TMEM132B: variants seen among roughly 807,000 people sequenced by gnomAD.
TMEM132B encodes the protein transmembrane protein 132B.
A neutral mutation model predicts 90.8 loss-of-function variants in TMEM132B; 18 were observed. That is an observed-to-expected ratio of 0.20 (90% CI 0.14 to 0.29). TMEM132B has a LOEUF of 0.29. TMEM132B is among the 10% of genes least tolerant of loss of function. The pLI, the probability that TMEM132B is intolerant of heterozygous loss-of-function variation, is 1.00. For missense variants in TMEM132B, 1,096 were observed against 1,326.8 expected (o/e 0.83, Z 2.70); for synonymous variants, 504 against 523.3 (o/e 0.96, Z 0.50).
chr12:125,543,419 A>AT (rs1884006768), intron 4 of TMEM132B, among the ~76,000 whole-genome samples: 1 of 152,266 alleles, frequency 6.6e-6, no homozygotes. Context: ...TTTAGGTCTT[A>AT]TAAGTAGTCT....
intron 1 of TMEM132B, among the ~76,000 whole-genome samples, chr12:125,237,752 T>C (rs975311399): frequency 2.6e-5 from 4 of 152,202 alleles, no homozygotes; most frequent in African/African-American, 9.6e-5. Flanking sequence ...CCCGGCCACG[T>C]TGGCGTACTT....
At chr12:125,540,122 T>C (rs1044008316) in intron 4 of TMEM132B, among the ~76,000 whole-genome samples, 5 of 152,256 alleles carry the variant, frequency 3.3e-5, no homozygotes, top group Admixed American at 3.3e-4. Context: ...GGGGGCATTT[T>C]CCAGATATCT....
chr12:125,369,066 C>G (rs1878219088), intron 2 of TMEM132B, among the ~76,000 whole-genome samples: 2 of 151,846 alleles, frequency 1.3e-5, no homozygotes, highest in Non-Finnish European at 2.9e-5. Context: ...GTTCCCCACC[C>G]TGTGTCCAGG....
chr12:125,426,314 T>C (rs943567293), intron 3 of TMEM132B, among the ~76,000 whole-genome samples: 7 of 152,232 alleles, frequency 4.6e-5, no homozygotes, highest in African/African-American at 1.7e-4. Context: ...TTTTATTATA[T>C]GTTTTGCAAC....
chr12:125,386,532 A>AT (rs1878840781), intron 2 of TMEM132B, among the ~76,000 whole-genome samples: 1 of 152,134 alleles, frequency 6.6e-6, no homozygotes, highest in African/African-American at 2.4e-5. Flanking sequence ...TTGCATTTGC[A>AT]TTTTTTGCTT....
chr12:125,608,441 C>T lies in TMEM132B; in HGVS notation c.1437+24447C>T, dbSNP rs568960632. Among the ~76,000 whole-genome samples the T allele has an allele frequency of 1.6e-4, 25 of 152,202 alleles. 1 individual carries two copies. The highest frequency in any genetic ancestry group is 1.2e-3 in the South Asian group (6 of 4,824). The stretch of plus-strand genomic sequence containing the variant: ...GAATTATCTTTTCATTTCTCAGTTT[C>T]GAGGTCTCTTTATATATTCTAGATA... On this transcript the variant is annotated intron_variant, in intron 5 of 8. Transcript: ENST00000682704.
chr12:125,252,240 A>G (rs1874333618), intron 1 of TMEM132B, among the ~76,000 whole-genome samples: 1 of 152,178 alleles, frequency 6.6e-6, no homozygotes, highest in Non-Finnish European at 1.5e-5. Context: ...GGCAATGGGA[A>G]GCCACCAGAA....
At chr12:125,545,631 A>C (rs11611558) in intron 4 of TMEM132B, among the ~76,000 whole-genome samples, 19,312 of 152,226 alleles carry the variant, frequency 0.13, 1,301 homozygotes, top group South Asian at 0.18. Context: ...ACTGTGATTA[A>C]GACGGTTCAA....
At chr12:125,330,312 C>A (rs1353367685) in intron 1 of TMEM132B, among the ~76,000 whole-genome samples, 1 of 145,884 alleles carries the variant, frequency 6.9e-6, no homozygotes, top group Non-Finnish European at 1.5e-5. Flanking sequence ...ATAGAGTAGT[C>A]GTGCTTTGTT....
intron 4 of TMEM132B, among the ~76,000 whole-genome samples, chr12:125,553,630 G>A (rs1165923743): frequency 1.3e-5 from 2 of 152,220 alleles, no homozygotes; most frequent in Non-Finnish European, 2.9e-5. Flanking sequence ...GCTATGATGA[G>A]TTTACATAGT....
At chr12:125,486,840 C>T (rs1466183794) in intron 3 of TMEM132B, among the ~76,000 whole-genome samples, 1 of 152,130 alleles carries the variant, frequency 6.6e-6, no homozygotes, top group Non-Finnish European at 1.5e-5. Context: ...TTGGTAGAGC[C>T]ATTGTTGATA....
At chr12:125,243,733 A>G (rs1169530505) in intron 1 of TMEM132B, among the ~76,000 whole-genome samples, 2 of 152,110 alleles carry the variant, frequency 1.3e-5, no homozygotes, top group Non-Finnish European at 2.9e-5. Context: ...CATAGTCCCC[A>G]ATGTCTGTTG....
chr12:125,505,520 G>A (rs1370913826), intron 3 of TMEM132B, among the ~76,000 whole-genome samples: 2 of 151,978 alleles, frequency 1.3e-5, no homozygotes, highest in African/African-American at 4.8e-5. Flanking sequence ...TCAGTGTGGT[G>A]AAATCCCGTC....
intron 4 of TMEM132B, among the ~76,000 whole-genome samples, chr12:125,564,014 T>C (rs1884604553): frequency 6.6e-6 from 1 of 152,186 alleles, no homozygotes; most frequent in South Asian, 2.1e-4. Context: ...CCACCAAGTT[T>C]GCAGTAATTT....
At chr12:125,429,099 G>A (rs577462935) in intron 3 of TMEM132B, among the ~76,000 whole-genome samples, 1 of 152,038 alleles carries the variant, frequency 6.6e-6, no homozygotes, top group African/African-American at 2.4e-5. Flanking sequence ...CCTACCATTA[G>A]TATGGTATAT....
intron 1 of TMEM132B, among the ~76,000 whole-genome samples, chr12:125,344,526 A>T (rs573698476): frequency 1.3e-5 from 2 of 152,312 alleles, no homozygotes; most frequent in South Asian, 4.2e-4. Context: ...ATATGGGGTT[A>T]GAACCACAGA....
chr12:125,338,995 A>G (rs1304672092), intron 1 of TMEM132B, among the ~76,000 whole-genome samples: 1 of 152,218 alleles, frequency 6.6e-6, no homozygotes, highest in African/African-American at 2.4e-5. Flanking sequence ...GAAAATACGT[A>G]GAAAAATATG....
chr12:125,395,848 ATTC>A (rs1312691241), intron 2 of TMEM132B, among the ~76,000 whole-genome samples: 3 of 152,148 alleles, frequency 2.0e-5, no homozygotes, highest in Non-Finnish European at 4.4e-5. Context: ...TGATGGTTTT[ATTC>A]TTAGGCGGGT....
intron 1 of TMEM132B, among the ~76,000 whole-genome samples, chr12:125,343,470 A>G (rs964901663): frequency 5.3e-5 from 8 of 152,210 alleles, no homozygotes; most frequent in African/African-American, 1.9e-4. Flanking sequence ...CGGCTCCTTC[A>G]GATGACCTCC....
Sources: allele counts gnomAD v4.1 joint callset (sites outside exome capture counted in the v4.1 genomes callset), GRCh38; gene constraint gnomAD v4.1.1; transcripts MANE v1.5; gene names NCBI Gene and HGNC (gene_info 2026-07-23, HGNC 2026-07-21).